Variants in SND1 observed in about 807,000 individuals in gnomAD.
SND1 encodes the protein staphylococcal nuclease domain-containing protein 1.
In SND1, 38 loss-of-function variants were observed where a neutral mutation model predicts 121.7. The observed-to-expected ratio is 0.31, with a 90% CI of 0.24 to 0.41. SND1 has a LOEUF of 0.41. Among genes scored for constraint, SND1 ranks in the 10% least tolerant of loss-of-function variants. SND1 has a pLI of 1.00. For missense variants in SND1, 868 were observed against 1,184.6 expected (o/e 0.73, Z 3.92); for synonymous variants, 401 against 447.4 (o/e 0.90, Z 1.31).
intron 11 of SND1, among the ~76,000 whole-genome samples, chr7:127,838,427 A>G (rs1798905965): frequency 1.3e-5 from 2 of 152,204 alleles, no homozygotes; most frequent in South Asian, 4.1e-4. Context: ...CCCAAAGCAA[A>G]TGGAAACTTG....
At chr7:127,672,184 A>G (rs986282025) in intron 1 of SND1, among the ~76,000 whole-genome samples, 3 of 152,124 alleles carry the variant, frequency 2.0e-5, no homozygotes, top group Non-Finnish European at 4.4e-5. Flanking sequence ...GAATTATTTG[A>G]GAGTAATCTG....
At position 127,897,053 on chromosome 7, in the gene SND1, G is replaced by A. The variant is rs115174609; in HGVS notation, c.1455-7694G>A. Among the ~76,000 whole-genome samples, 894 of 152,234 alleles carry A rather than the reference G, an allele frequency of 5.9e-3. 16 individuals are homozygous for A. The highest frequency in any genetic ancestry group is 0.021 in the African/African-American group (852 of 41,550). On this transcript the variant is annotated intron_variant, in intron 13 of 23. Coordinates refer to ENST00000354725, the MANE Select transcript of SND1 (RefSeq NM_014390.4). Reference sequence around the variant, plus strand: ...TTGTGAACGGGAAATCCGCTTCATAGCTTCTTTCATTTGCAGGATTCTTTA... The same window carrying A: ...TTGTGAACGGGAAATCCGCTTCATAACTTCTTTCATTTGCAGGATTCTTTA...
intron 1 of SND1, among the ~76,000 whole-genome samples, chr7:127,658,996 G>C (rs1358603093): frequency 6.6e-6 from 1 of 152,176 alleles, no homozygotes; most frequent in Non-Finnish European, 1.5e-5. Flanking sequence ...CTGATCTTTG[G>C]ATTTATTTCA....
rs575697169 is a variant in SND1 at position 127,935,486 on chromosome 7, G to C, written c.1669+6157G>C. Reference sequence around the variant, plus strand: ...TGGGGAACATGAGGTTTGAAATATTGAGAAGCACTCGTCTGAATTCTGAAG... The same window carrying C: ...TGGGGAACATGAGGTTTGAAATATTCAGAAGCACTCGTCTGAATTCTGAAG... On this transcript the variant is annotated intron_variant, in intron 15 of 23. Coordinates refer to ENST00000354725, the MANE Select transcript of SND1 (RefSeq NM_014390.4). Among the ~76,000 whole-genome samples the C allele has an allele frequency of 5.9e-5, 9 of 152,308 alleles. No individual in the cohort carries two copies. In the South Asian group the frequency reaches 8.3e-4, roughly 14 times the overall value.
intron 10 of SND1, among the ~76,000 whole-genome samples, chr7:127,769,323 G>A (rs1325617513): frequency 1.3e-5 from 2 of 152,114 alleles, no homozygotes; most frequent in African/African-American, 2.4e-5. Context: ...TGGGCTGTCT[G>A]TCCACAGGTC....
intron 9 of SND1, among the ~76,000 whole-genome samples, chr7:127,717,206 AG>A (rs1796407312): frequency 6.6e-6 from 1 of 152,204 alleles, no homozygotes; most frequent in African/African-American, 2.4e-5. Flanking sequence ...TGTTATAGTT[AG>A]TATATCAATA....
intron 16 of SND1, among the ~76,000 whole-genome samples, chr7:128,033,820 CAAG>C (rs890570693): frequency 1.1e-4 from 16 of 152,290 alleles, no homozygotes; most frequent in Non-Finnish European, 5.9e-5. Context: ...TCTCAGATGT[CAAG>C]AAACTTGGGT....
At chr7:127,805,686 AATG>A (rs1445369672) in intron 10 of SND1, among the ~76,000 whole-genome samples, 2 of 152,194 alleles carry the variant, frequency 1.3e-5, no homozygotes, top group East Asian at 1.9e-4. Flanking sequence ...GGGGCATTGA[AATG>A]ATGAAGGCTG....
intron 10 of SND1, among the ~76,000 whole-genome samples, chr7:127,727,448 G>T (rs1296195552): frequency 1.3e-5 from 2 of 152,186 alleles, no homozygotes; most frequent in Admixed American, 1.3e-4. Flanking sequence ...CAAAATGACT[G>T]GTCCCTCTGG....
intron 15 of SND1, among the ~76,000 whole-genome samples, chr7:127,951,333 T>A (rs1028627670): frequency 6.6e-6 from 1 of 152,176 alleles, no homozygotes; most frequent in African/African-American, 2.4e-5. Context: ...AGGACAAATA[T>A]TGCATGATTC....
Position 127,896,383 on chromosome 7 carries a change from A to G in SND1, c.1455-8364A>G, listed in dbSNP as rs576946604. 3.9e-5 allele frequency among the ~76,000 whole-genome samples: 6 copies of G among 152,216 alleles called. No homozygotes were observed. The South Asian group carries it at 1.2e-3, about 32-fold the overall frequency. Reference sequence around the variant, plus strand: ...ATAAAGTGATAACACTTGACCCTTGACTTTCTTGAATGTCTTACAACTTGC... The same window carrying G: ...ATAAAGTGATAACACTTGACCCTTGGCTTTCTTGAATGTCTTACAACTTGC... On this transcript the variant is annotated intron_variant, in intron 13 of 23. Coordinates refer to ENST00000354725, the MANE Select transcript of SND1 (RefSeq NM_014390.4).
intron 1 of SND1, among the ~76,000 whole-genome samples, chr7:127,675,200 C>CA (rs1435053966): frequency 6.6e-6 from 1 of 151,428 alleles, no homozygotes; most frequent in Non-Finnish European, 1.5e-5. Context: ...GACTCCATCT[C>CA]AAAAAAACAA....
At chr7:127,661,112 G>A (rs1210376727) in intron 1 of SND1, among the ~76,000 whole-genome samples, 1 of 152,166 alleles carries the variant, frequency 6.6e-6, no homozygotes, top group South Asian at 2.1e-4. Flanking sequence ...AGAATTTTAT[G>A]AGGGGAGGAT....
chr7:127,893,095 T>G (rs1800042082), intron 13 of SND1, among the ~76,000 whole-genome samples: 1 of 152,148 alleles, frequency 6.6e-6, no homozygotes, highest in Non-Finnish European at 1.5e-5. Flanking sequence ...CCTTCTGCGG[T>G]ATTTCCAAGA....
chr7:127,908,921 G>A (rs527299661), intron 14 of SND1, among the ~76,000 whole-genome samples: 1 of 152,306 alleles, frequency 6.6e-6, no homozygotes, highest in African/African-American at 2.4e-5. Context: ...TGTTCTGGTA[G>A]ATCAGACAAA....
intron 13 of SND1, among the ~76,000 whole-genome samples, chr7:127,896,842 G>A (rs1240982089): frequency 1.3e-5 from 2 of 151,960 alleles, no homozygotes; most frequent in East Asian, 1.9e-4. Flanking sequence ...AAATCATCTC[G>A]AGTGTTACAG....
chr7:127,807,603 CA>C lies in SND1; in HGVS notation c.1242+32del, dbSNP rs1422232631. ...GTAATTGATGACAGAAGCATATTTGCAAGTGGTTGGGCTTAAGCTAATCTTT... is the reference window on the plus strand; with the variant it reads ...GTAATTGATGACAGAAGCATATTTGCAGTGGTTGGGCTTAAGCTAATCTTT... On this transcript the variant is annotated intron_variant, in intron 11 of 23. Transcript: ENST00000354725. The C allele has an allele frequency of 8.3e-6, 13 of 1,563,614 alleles. No individual in the cohort carries two copies. In the South Asian group the frequency reaches 1.4e-4, roughly 17 times the overall value.
intron 12 of SND1, chr7:127,858,028 A>G (rs1234163168): frequency 1.4e-6 from 2 of 1,442,148 alleles, no homozygotes; most frequent in Non-Finnish European, 2.0e-6. Context: ...ATATTCCCAC[A>G]TCACATCCAC....
intron 12 of SND1, among the ~76,000 whole-genome samples, chr7:127,868,946 A>T (rs1469425692): frequency 6.6e-6 from 1 of 152,108 alleles, no homozygotes; most frequent in Non-Finnish European, 1.5e-5. Flanking sequence ...CTGGGGATAG[A>T]TCAGTGCATA....
Sources: gnomAD v4.1 joint callset for allele counts (sites outside exome capture counted in the v4.1 genomes callset) on GRCh38, gnomAD v4.1.1 for gene constraint, MANE v1.5 for transcripts, NCBI Gene and HGNC (gene_info 2026-07-23, HGNC 2026-07-21) for gene names.